EPB41L4B: variants seen among roughly 807,000 people sequenced by gnomAD.
EPB41L4B encodes the protein erythrocyte membrane protein band 4.1 like 4B.
A neutral mutation model predicts 112.5 loss-of-function variants in EPB41L4B; 30 were observed. That is an observed-to-expected ratio of 0.27 (90% confidence interval 0.20 to 0.36). The LOEUF is 0.36. Ranked by LOEUF, EPB41L4B falls within the 10% of genes least tolerant of loss-of-function variation. The pLI is 1.00. For missense variants in EPB41L4B, 1,024 were observed against 1,133.3 expected, an observed-to-expected ratio of 0.90 and a Z score of 1.38; for synonymous variants, 408 against 439.7, an observed-to-expected ratio of 0.93 and a Z score of 0.90.
At chr9:109,270,522 T>C (rs1213890950) in intron 2 of EPB41L4B, among the ~76,000 whole-genome samples, 1 of 152,232 alleles carries the variant, frequency 6.6e-6, no homozygotes, top group Non-Finnish European at 1.5e-5. Context: ...CTTTGGCCCC[T>C]GGAGGGGGCT....
In EPB41L4B at chr9:109,299,707, A is replaced by T. The variant is rs76058091; in HGVS notation, c.307-19786T>A. Among the ~76,000 whole-genome samples the T allele has an allele frequency of 2.0e-4, 31 of 152,264 alleles. No individual in the cohort carries two copies. The East Asian group carries it at 3.5e-3, about 17-fold the overall frequency. On this transcript the variant is annotated intron_variant, in intron 1 of 25. Transcript: ENST00000374566. ...GTGCCTGGCAACCACCATGAAGGTG[A>T]AAATACAGAACATTTTCAGCAATAC...
chr9:109,192,257 T>C, intron 22 of EPB41L4B, 21 bp downstream of exon 22: 6 of 1,594,206 alleles, frequency 3.8e-6, no homozygotes, highest in Non-Finnish European at 5.1e-6. Context: ...TTTTCTGGTT[T>C]TAGCAAAATA....
intron 1 of EPB41L4B, among the ~76,000 whole-genome samples, chr9:109,317,992 A>T (rs1837696020): frequency 6.6e-6 from 1 of 152,226 alleles, no homozygotes; most frequent in South Asian, 2.1e-4. Context: ...ATCTGGGAAG[A>T]TTAGTGTAGG....
chr9:109,242,367 G>C (rs1483317226), intron 15 of EPB41L4B, among the ~76,000 whole-genome samples: 1 of 152,202 alleles, frequency 6.6e-6, no homozygotes, highest in African/African-American at 2.4e-5. Flanking sequence ...CACTGTTTAC[G>C]GCTTTCCTCA....
chr9:109,284,811 C>T (rs1836208481), intron 1 of EPB41L4B, among the ~76,000 whole-genome samples: 1 of 152,216 alleles, frequency 6.6e-6, no homozygotes, highest in Admixed American at 6.5e-5. Flanking sequence ...CTTAACAACC[C>T]ACCCTTTGGA....
chr9:109,311,680 G>A (rs775299429), intron 1 of EPB41L4B, among the ~76,000 whole-genome samples: 5 of 152,182 alleles, frequency 3.3e-5, no homozygotes, highest in South Asian at 4.1e-4. Flanking sequence ...GAAAAGACAG[G>A]GGATTTTACT....
chr9:109,194,410 A>C lies in EPB41L4B; in HGVS notation c.2046-13T>G, dbSNP rs1832573113. 6.2e-7 allele frequency: 1 copy of C among 1,612,718 alleles called. No homozygotes were observed. The highest frequency in any genetic ancestry group is 1.1e-5 in the South Asian group (1 of 90,932). On this transcript the variant is annotated splice_polypyrimidine_tract_variant and intron_variant, in intron 20 of 25. Transcript: ENST00000374566. ...GTCGTCTTCATCACTGCGGTTACTA[A>C]AAGCACATGAAGCTCTGCTCATTAC...
At chr9:109,317,479 C>T (rs570468817) in intron 1 of EPB41L4B, among the ~76,000 whole-genome samples, 40 of 152,342 alleles carry the variant, frequency 2.6e-4, no homozygotes, top group South Asian at 1.4e-3. Context: ...ACATTGGAGA[C>T]GCCCAATAAC....
Position 109,251,525 on chromosome 9 carries a change from A to G in EPB41L4B, c.1280-14T>C, listed in dbSNP as rs142919528. 5.8e-5 allele frequency: 93 copies of G among 1,613,504 alleles called. No homozygotes were observed. The East Asian group carries it at 1.9e-3, about 33-fold the overall frequency. On this transcript the variant is annotated splice_polypyrimidine_tract_variant and intron_variant, in intron 12 of 25. Coordinates refer to ENST00000374566, the MANE Select transcript of EPB41L4B (RefSeq NM_019114.5). Reference sequence around the variant, plus strand: ...CTGGGTTGCTTGCTATAAAGGAAAAACAGAAAGTTATGACATCTTAGAGAA... The same window carrying G: ...CTGGGTTGCTTGCTATAAAGGAAAAGCAGAAAGTTATGACATCTTAGAGAA...
At chr9:109,265,371 C>T (rs10816792) in intron 4 of EPB41L4B, among the ~76,000 whole-genome samples, 57,300 of 152,192 alleles carry the variant, frequency 0.38, 11,212 homozygotes, top group Admixed American at 0.47. Context: ...ATAACCCAGG[C>T]AGGGTGGGGC....
chr9:109,251,285 C>A lies in EPB41L4B; in HGVS notation c.1310+196G>T, dbSNP rs367638399. Among the ~76,000 whole-genome samples, 11 of 152,338 alleles carry A rather than the reference C, an allele frequency of 7.2e-5. No homozygotes were observed. In the South Asian group the frequency reaches 1.4e-3, roughly 20 times the overall value. On this transcript the variant is annotated intron_variant, in intron 13 of 25. Transcript: ENST00000374566. ...AAAGCAGCTGTGTTTGCCAAAAAAACCAAACTGTCTTGGAACATTATATTG... is the reference window on the plus strand; with the variant it reads ...AAAGCAGCTGTGTTTGCCAAAAAAAACAAACTGTCTTGGAACATTATATTG...
intron 1 of EPB41L4B, 33 bp downstream of exon 1, chr9:109,320,108 G>T (rs935197427): frequency 3.6e-6 from 5 of 1,399,874 alleles, no homozygotes; most frequent in Non-Finnish European, 4.7e-6. Context: ...GGGGCGCGAG[G>T]TGCCAGTGCC....
chr9:109,263,555 C>A (rs1835291527), intron 5 of EPB41L4B, among the ~76,000 whole-genome samples: 1 of 152,222 alleles, frequency 6.6e-6, no homozygotes, highest in Non-Finnish European at 1.5e-5. Context: ...GCCAGCATGG[C>A]TGGATACACT....
At chr9:109,293,971 T>C (rs1402991535) in intron 1 of EPB41L4B, among the ~76,000 whole-genome samples, 3 of 152,090 alleles carry the variant, frequency 2.0e-5, no homozygotes, top group Admixed American at 1.3e-4. Flanking sequence ...TTTAAGATAA[T>C]TGCACTAAAC....
intron 16 of EPB41L4B, among the ~76,000 whole-genome samples, chr9:109,214,468 A>T (rs1367865711): frequency 6.6e-6 from 1 of 152,244 alleles, no homozygotes; most frequent in Non-Finnish European, 1.5e-5. Flanking sequence ...TGACGGACAC[A>T]TGTGGAGATA....
intron 1 of EPB41L4B, among the ~76,000 whole-genome samples, chr9:109,291,029 G>A (rs545268615): frequency 6.6e-6 from 1 of 152,276 alleles, no homozygotes; most frequent in South Asian, 2.1e-4. Context: ...CTTATGGCCA[G>A]GCTGTCCAGC....
At chr9:109,292,051 G>A (rs1836555015) in intron 1 of EPB41L4B, among the ~76,000 whole-genome samples, 3 of 152,128 alleles carry the variant, frequency 2.0e-5, no homozygotes, top group Admixed American at 2.0e-4. Context: ...GCTGCTATGA[G>A]GACTGTGTGA....
intron 1 of EPB41L4B, among the ~76,000 whole-genome samples, chr9:109,313,720 C>T (rs1837510245): frequency 6.6e-6 from 1 of 152,126 alleles, no homozygotes; most frequent in South Asian, 2.1e-4. Context: ...TGGGGGCTCC[C>T]CACCCCAGCT....
chr9:109,307,400 T>C (rs908150103), intron 1 of EPB41L4B: 9 of 354,188 alleles, frequency 2.5e-5, no homozygotes, highest in Non-Finnish European at 4.9e-5. Context: ...CAATATCCCA[T>C]ATCCCAGACC....
Sources: allele counts gnomAD v4.1 joint callset (sites outside exome capture counted in the v4.1 genomes callset), GRCh38; gene constraint gnomAD v4.1.1; transcripts MANE v1.5; gene names NCBI Gene and HGNC (gene_info 2026-07-23, HGNC 2026-07-21).